The following UNC13C variants were observed in gnomAD, a reference collection of about 807,000 sequenced individuals.
UNC13C encodes the protein protein unc-13 homolog C.
A neutral mutation model predicts 245.4 loss-of-function variants in UNC13C; 174 were observed. The ratio of observed to expected loss-of-function variants is 0.71; its 90% CI spans 0.63 to 0.80. The LOEUF (loss-of-function observed/expected upper bound fraction) is 0.80, where lower values mean the gene tolerates loss of function less well. Ranked by LOEUF, UNC13C falls within the 30% of genes least tolerant of loss-of-function variation. UNC13C has a pLI of 0.00. For missense variants in UNC13C, 2,829 were observed against 2,602.9 expected (o/e 1.09, Z -1.89); for synonymous variants, 992 against 895.1 (o/e 1.11, Z -1.93).
At chr15:54,004,785 A>G (rs1222858408) in intron 1 of UNC13C, among the ~76,000 whole-genome samples, 1 of 152,006 alleles carries the variant, frequency 6.6e-6, no homozygotes, top group Non-Finnish European at 1.5e-5. Flanking sequence ...TCATATGCCC[A>G]TTTTCCGTTT....
intron 17 of UNC13C, among the ~76,000 whole-genome samples, chr15:54,365,856 GT>G (rs1383438078): frequency 1.3e-5 from 2 of 152,044 alleles, no homozygotes; most frequent in Admixed American, 6.6e-5. Flanking sequence ...CTTCCTGAAG[GT>G]TCAGTACTTG....
intron 4 of UNC13C, among the ~76,000 whole-genome samples, chr15:54,211,526 T>A (rs753851613): frequency 7.2e-5 from 11 of 152,118 alleles, no homozygotes; most frequent in African/African-American, 9.7e-5. Flanking sequence ...GCTATCAATG[T>A]GATTATCTCT....
rs772667860 is a variant in UNC13C, at chr15:54,015,244, A to C, written c.2341A>C (p.Ser781Arg). The C allele has an allele frequency of 4.3e-6, 7 of 1,613,510 alleles. No individual in the cohort carries two copies. The Admixed American group carries it at 1.2e-4, about 27-fold the overall frequency. Residue 781 changes from serine (S) to arginine (R), a missense_variant, in exon 2 of 33, where the codon AGT (serine) becomes CGT (arginine). By Grantham distance (110) the Ser-to-Arg change is moderately radical (BLOSUM62 -1). Transcript: ENST00000260323. Reference sequence around the variant, plus strand: ...GGATGCCCCACCCAAATCATGGCATAGTCGATTAAGCATTGACCTTTCTGA... The same window carrying C: ...GGATGCCCCACCCAAATCATGGCATCGTCGATTAAGCATTGACCTTTCTGA... ...SEDAPPKSWHSRLSIDLSDKT... is the reference protein window; with the variant it reads ...SEDAPPKSWHRRLSIDLSDKT...
intron 8 of UNC13C, among the ~76,000 whole-genome samples, chr15:54,257,307 A>G (rs910077567): frequency 1.3e-5 from 2 of 152,224 alleles, no homozygotes; most frequent in South Asian, 4.1e-4. Context: ...CCCCTAAACA[A>G]TATAGATAGC....
At chr15:54,059,222 C>G (rs577164313) in intron 2 of UNC13C, among the ~76,000 whole-genome samples, 2 of 135,666 alleles carry the variant, frequency 1.5e-5, no homozygotes, top group African/African-American at 5.4e-5. Context: ...CCCCATTAGC[C>G]TCAGCCCAAA....
At chr15:54,141,694 ATTC>A (rs1312426594) in intron 2 of UNC13C, among the ~76,000 whole-genome samples, 2 of 152,064 alleles carry the variant, frequency 1.3e-5, no homozygotes, top group African/African-American at 2.4e-5. Context: ...ATGGTATATT[ATTC>A]TTCTGCGGTA....
chr15:53,894,975 A>T, the UNC13C span, among the ~76,000 whole-genome samples: 1 of 144,748 alleles, frequency 6.9e-6, no homozygotes, highest in East Asian at 2.2e-4. Context: ...ATGTTTATCA[A>T]TATTACATTA....
chr15:53,874,560 C>T, the UNC13C span, among the ~76,000 whole-genome samples: 2 of 152,140 alleles, frequency 1.3e-5, no homozygotes, highest in South Asian at 2.1e-4. Flanking sequence ...GGTGAGAGAT[C>T]CTTTACCCAG....
chr15:54,228,281 A>T (rs1360651015), intron 4 of UNC13C, among the ~76,000 whole-genome samples: 2 of 152,154 alleles, frequency 1.3e-5, no homozygotes, highest in Non-Finnish European at 2.9e-5. Flanking sequence ...GGGAAGGTCC[A>T]GAAATGCTGT....
intron 2 of UNC13C, among the ~76,000 whole-genome samples, chr15:54,025,653 T>C (rs1290833799): frequency 6.6e-6 from 1 of 152,222 alleles, no homozygotes; most frequent in Non-Finnish European, 1.5e-5. Context: ...GGTGTTCAAC[T>C]ATATAAGATG....
At chr15:54,553,357 A>AT (rs1334572636) in intron 28 of UNC13C, among the ~76,000 whole-genome samples, 1 of 123,564 alleles carries the variant, frequency 8.1e-6, no homozygotes, top group Non-Finnish European at 1.6e-5. Flanking sequence ...GTAATATATA[A>AT]TATAATATAT....
intron 4 of UNC13C, among the ~76,000 whole-genome samples, chr15:54,196,806 A>G (rs1266476814): frequency 6.6e-6 from 1 of 152,220 alleles, no homozygotes; most frequent in Non-Finnish European, 1.5e-5. Flanking sequence ...CCAGTAAATT[A>G]TATGGAAAAT....
chr15:54,155,948 T>C (rs1029478903), intron 4 of UNC13C, among the ~76,000 whole-genome samples: 1 of 152,170 alleles, frequency 6.6e-6, no homozygotes, highest in Non-Finnish European at 1.5e-5. Context: ...GTGGAAAATA[T>C]GTTGGGAAAT....
chr15:54,263,588 G>C (rs532308351), intron 8 of UNC13C, among the ~76,000 whole-genome samples: 1 of 152,264 alleles, frequency 6.6e-6, no homozygotes, highest in South Asian at 2.1e-4. Context: ...ATATATTAGA[G>C]AAAGAGAGTT....
At chr15:53,843,210 A>T in the UNC13C span, among the ~76,000 whole-genome samples, 2 of 152,286 alleles carry the variant, frequency 1.3e-5, no homozygotes, top group African/African-American at 4.8e-5. Context: ...AGGCCGAGAC[A>T]GGCAGATTGC....
At chr15:54,277,778 G>A (rs2036871458) in intron 10 of UNC13C, among the ~76,000 whole-genome samples, 1 of 152,128 alleles carries the variant, frequency 6.6e-6, no homozygotes, top group Non-Finnish European at 1.5e-5. Context: ...TCAATTGCAT[G>A]TTCAATCACA....
chr15:53,903,018 A>G, the UNC13C span, among the ~76,000 whole-genome samples: 3 of 152,352 alleles, frequency 2.0e-5, no homozygotes, highest in African/African-American at 7.2e-5. Context: ...GCCAGTGATG[A>G]TCATACAGTC....
chr15:54,172,703 G>GATATAGAT (rs2033449557), intron 4 of UNC13C, among the ~76,000 whole-genome samples: 3 of 78,466 alleles, frequency 3.8e-5, no homozygotes, highest in Non-Finnish European at 7.7e-5. Context: ...TACACACACA[G>GATATAGAT]ATATATATAT....
intron 1 of UNC13C, among the ~76,000 whole-genome samples, chr15:53,987,355 A>G (rs1256578909): frequency 3.9e-5 from 6 of 152,014 alleles, no homozygotes; most frequent in Non-Finnish European, 8.8e-5. Flanking sequence ...CTTGGGAGAA[A>G]TAGGCCTGGA....
Sources: allele counts gnomAD v4.1 joint callset (sites outside exome capture counted in the v4.1 genomes callset), GRCh38; gene constraint gnomAD v4.1.1; transcripts MANE v1.5; gene names NCBI Gene and HGNC (gene_info 2026-07-23, HGNC 2026-07-21).